The following WWOX variants were observed in gnomAD, a reference collection of about 807,000 sequenced individuals.
The protein encoded by WWOX is WW domain-containing oxidoreductase.
WWOX carries 69 observed loss-of-function variants against 46.2 expected under a neutral mutation model. The observed-to-expected ratio is 1.49, with a 90% CI of 1.23 to 1.82. The LOEUF (loss-of-function observed/expected upper bound fraction) is 1.82, where lower values mean the gene tolerates loss of function less well. Among genes scored for constraint, WWOX ranks in the 40% most tolerant of loss-of-function variants. The pLI is 0.00. For missense variants in WWOX, 919 were observed against 542.6 expected (o/e 1.69, Z -6.89); for synonymous variants, 359 against 202.6 (o/e 1.77, Z -6.56).
At chr16:78,162,862 G>A (rs1030904178) in intron 4 of WWOX, among the ~76,000 whole-genome samples, 7 of 151,770 alleles carry the variant, frequency 4.6e-5, no homozygotes, top group South Asian at 2.1e-4. Context: ...CAATCTTGTC[G>A]TCAGCTGTGT....
chr16:78,178,085 C>T (rs1306882338), intron 5 of WWOX, among the ~76,000 whole-genome samples: 1 of 152,168 alleles, frequency 6.6e-6, no homozygotes, highest in African/African-American at 2.4e-5. Flanking sequence ...TGATGAGACA[C>T]TTTACTGTTT....
chr16:79,212,106 C>T lies in WWOX; in HGVS notation c.*310C>T, dbSNP rs963084240. On this transcript the variant is annotated 3_prime_UTR_variant, in exon 9 of 9. Coordinates refer to ENST00000566780, the MANE Select transcript of WWOX (RefSeq NM_016373.4). ...TCCCTGGAGAAGCACCAGCAATTCT[C>T]TTTCTTTTACTGTTATAGAATAGCC... 3 of 1,535,846 alleles carry T rather than the reference C, an allele frequency of 2.0e-6. No homozygotes were observed. Among genetic ancestry groups the T allele is most frequent in the African/African-American group, 1.4e-5 (1 of 72,920 alleles).
At chr16:79,059,420 A>G (rs12102460) in intron 8 of WWOX, among the ~76,000 whole-genome samples, 10,044 of 152,296 alleles carry the variant, frequency 0.066, 640 homozygotes, top group African/African-American at 0.17. Context: ...GTAGAGCTTG[A>G]CACCTGCATA....
chr16:78,311,975 G>A (rs1299560330), intron 5 of WWOX, among the ~76,000 whole-genome samples: 1 of 152,106 alleles, frequency 6.6e-6, no homozygotes, highest in Non-Finnish European at 1.5e-5. Flanking sequence ...TACATTTCCT[G>A]GCCTTTTCCA....
intron 4 of WWOX, among the ~76,000 whole-genome samples, chr16:78,126,643 C>G (rs775584661): frequency 2.0e-5 from 3 of 152,092 alleles, no homozygotes; most frequent in Non-Finnish European, 4.4e-5. Context: ...ATCCTGTGAT[C>G]AAGAGGAAAT....
intron 8 of WWOX, among the ~76,000 whole-genome samples, chr16:78,704,956 ACCAGCG>A: frequency 6.6e-6 from 1 of 151,910 alleles, no homozygotes; most frequent in African/African-American, 2.4e-5. Flanking sequence ...AGCCTTAAAA[ACCAGCG>A]ACAGTCTTGG....
Position 78,414,779 on chromosome 16 carries a change from G to A in WWOX, c.606-10091G>A, listed in dbSNP as rs140692706. 9.2e-5 allele frequency among the ~76,000 whole-genome samples: 14 copies of A among 152,190 alleles called. No homozygotes were observed. The East Asian group carries it at 2.7e-3, about 29-fold the overall frequency. ...TTTTACAGGAACAGTTTAGTTTTGGGGGAAAGCTGTTATTTAAACTATAAA... is the reference window on the plus strand; with the variant it reads ...TTTTACAGGAACAGTTTAGTTTTGGAGGAAAGCTGTTATTTAAACTATAAA... On this transcript the variant is annotated intron_variant, in intron 6 of 8. Coordinates refer to ENST00000566780, the MANE Select transcript of WWOX (RefSeq NM_016373.4).
At chr16:79,180,221 G>T (rs1242413456) in intron 8 of WWOX, among the ~76,000 whole-genome samples, 1 of 152,170 alleles carries the variant, frequency 6.6e-6, no homozygotes, top group African/African-American at 2.4e-5. Context: ...AGAGAGATCA[G>T]TAATTTATAG....
intron 8 of WWOX, among the ~76,000 whole-genome samples, chr16:78,684,818 C>G (rs1431335555): frequency 6.6e-6 from 1 of 152,138 alleles, no homozygotes; most frequent in Non-Finnish European, 1.5e-5. Context: ...TTCAGTGAAG[C>G]AGTTATAGCT....
intron 8 of WWOX, among the ~76,000 whole-genome samples, chr16:79,157,981 G>T (rs1597430429): frequency 6.6e-6 from 1 of 152,300 alleles, no homozygotes; most frequent in East Asian, 1.9e-4. Context: ...GGAGGTGGTG[G>T]GGTGTAAGTT....
chr16:78,542,224 G>T (rs17721138), intron 8 of WWOX, among the ~76,000 whole-genome samples: 4 of 151,866 alleles, frequency 2.6e-5, no homozygotes, highest in Non-Finnish European at 5.9e-5. Context: ...AAACACTGCC[G>T]GATGGATGAA....
rs553786488 is a variant in WWOX, at chr16:78,450,028, T to TA, written c.1056+17284dup. On this transcript the variant is annotated intron_variant, in intron 8 of 8. Transcript: ENST00000566780. ...TTATGATTTTTTTTAAGCAGGAAGC[T>TA]AAAAAAAATAACCACCCGTTACTTT... 6.3e-3 allele frequency among the ~76,000 whole-genome samples: 952 copies of TA among 150,268 alleles called. 12 individuals carry two copies. The highest frequency in any genetic ancestry group is 0.022 in the African/African-American group (913 of 40,904).
chr16:79,068,447 T>A (rs2048482352), intron 8 of WWOX, among the ~76,000 whole-genome samples: 1 of 152,104 alleles, frequency 6.6e-6, no homozygotes, highest in African/African-American at 2.4e-5. Context: ...TCCTCCTGAA[T>A]GCACAATCAT....
intron 8 of WWOX, among the ~76,000 whole-genome samples, chr16:78,949,555 C>T (rs1176732549): frequency 6.6e-6 from 1 of 152,170 alleles, no homozygotes. Flanking sequence ...TTTTGACCAA[C>T]CCCAACACAT....
chr16:78,266,561 A>G (rs952084505), intron 5 of WWOX, among the ~76,000 whole-genome samples: 2 of 152,078 alleles, frequency 1.3e-5, no homozygotes, highest in African/African-American at 4.8e-5. Context: ...ACTCTCTGGA[A>G]CTAGCCTGCT....
intron 8 of WWOX, among the ~76,000 whole-genome samples, chr16:78,790,765 A>C (rs1293273061): frequency 1.3e-5 from 2 of 152,032 alleles, no homozygotes; most frequent in Non-Finnish European, 2.9e-5. Flanking sequence ...CATGCCTGTA[A>C]CCCTAGCACT....
At position 78,289,022 on chromosome 16, in the gene WWOX, G is replaced by A. The variant is rs545494527; in HGVS notation, c.517-97838G>A. On this transcript the variant is annotated intron_variant, in intron 5 of 8. Coordinates refer to ENST00000566780, the MANE Select transcript of WWOX (RefSeq NM_016373.4). ...GGTTCTGCTTTTCTCACAAATTCTCGGTTAACACAAGGCGTGCCAACAGCT... is the reference window on the plus strand; with the variant it reads ...GGTTCTGCTTTTCTCACAAATTCTCAGTTAACACAAGGCGTGCCAACAGCT... Among the ~76,000 whole-genome samples, 3 of 152,250 alleles carry A rather than the reference G, an allele frequency of 2.0e-5. No homozygotes were observed. In the East Asian group the frequency reaches 5.8e-4, roughly 29 times the overall value.
chr16:78,184,980 C>T (rs957869719), intron 5 of WWOX, among the ~76,000 whole-genome samples: 2 of 152,194 alleles, frequency 1.3e-5, no homozygotes, highest in Admixed American at 6.5e-5. Context: ...ATGGGGATCT[C>T]ACTCAGCCAC....
chr16:79,163,837 G>A (rs1175194732), intron 8 of WWOX, among the ~76,000 whole-genome samples: 1 of 145,972 alleles, frequency 6.9e-6, no homozygotes, highest in Non-Finnish European at 1.5e-5. Flanking sequence ...AATAAGGTCA[G>A]AGGGGGAAAA....
Sources: gnomAD v4.1 joint callset for allele counts (sites outside exome capture counted in the v4.1 genomes callset) on GRCh38, gnomAD v4.1.1 for gene constraint, MANE v1.5 for transcripts, NCBI Gene and HGNC (gene_info 2026-07-23, HGNC 2026-07-21) for gene names.